APTX: variants seen among roughly 807,000 people sequenced by gnomAD.
APTX encodes the protein aprataxin.
APTX carries 33 observed loss-of-function variants against 42.3 expected under a neutral mutation model. That is an observed-to-expected ratio of 0.78 (90% CI 0.59 to 1.04). APTX has a LOEUF of 1.04. Ranked by LOEUF, APTX falls within the 50% of genes least tolerant of loss-of-function variation. The pLI is 0.00. For synonymous variants in APTX, 130 were observed against 146.7 expected, an observed-to-expected ratio of 0.89 and a Z score of 0.82; for missense variants, 421 against 415.1, an observed-to-expected ratio of 1.01 and a Z score of -0.12.
At chr9:33,000,080 A>C (rs1835899034) in intron 1 of APTX, among the ~76,000 whole-genome samples, 1 of 152,222 alleles carries the variant, frequency 6.6e-6, no homozygotes, top group South Asian at 2.1e-4. Flanking sequence ...GGACTGCCTG[A>C]ATTCAAACAT....
rs1156813922 is a variant in APTX at position 32,974,355 on chromosome 9, A to G, written c.874+103T>C. 7 of 787,562 alleles carry G rather than the reference A, an allele frequency of 8.9e-6. No individual in the cohort carries two copies. In the East Asian group the frequency reaches 1.8e-4, roughly 20 times the overall value. 48.8% of individuals were successfully genotyped at this position (787,562 alleles called of 1,614,324 possible). A position where few individuals can be genotyped will look rare whatever the true frequency, so the allele number is the denominator to read the frequency against. ...CTTTATAGGGAACACAAAGTTGTAC[A>G]TAGGTTTTTGAGGTCAGACTGTTAT... On this transcript the variant is annotated intron_variant, in intron 7 of 7. Coordinates refer to ENST00000379817, the MANE Select transcript of APTX (RefSeq NM_001195248.2).
chr9:32,987,551 A>G lies in APTX; in HGVS notation c.476T>C (p.Ile159Thr). The G allele has an allele frequency of 6.2e-7, 1 of 1,613,726 alleles. No individual in the cohort carries two copies. The highest frequency in any genetic ancestry group is 8.5e-7 in the Non-Finnish European group (1 of 1,180,018). The change falls in exon 4 of 8, where the codon ATC (isoleucine) becomes ACC (threonine). Residue 159 changes from isoleucine to threonine, a missense_variant. Transcript: ENST00000379817. ...CAATCACACTACCCTCACCTTTTTG[A>G]TAGGTGCATCTTTTCCCTTCTTTAG... ...VPLKKGKDAP[I>T]KKESLGHWSQ...
At chr9:33,001,197 A>C in intron 1 of APTX, 1 of 875,160 alleles carries the variant, frequency 1.1e-6, no homozygotes, top group Middle Eastern at 4.6e-4. Flanking sequence ...GGATGCTGCT[A>C]AGGTCCCTCA....
At chr9:32,993,530 T>G (rs1834126613) in intron 1 of APTX, among the ~76,000 whole-genome samples, 1 of 152,186 alleles carries the variant, frequency 6.6e-6, no homozygotes, top group African/African-American at 2.4e-5. Flanking sequence ...TATTTACAAG[T>G]GAATTATCAA....
intron 6 of APTX, 89 bp downstream of exon 6, chr9:32,984,542 T>G: frequency 2.3e-6 from 3 of 1,332,444 alleles, no homozygotes; most frequent in Non-Finnish European, 1.1e-6. Context: ...TGGGTCTCAG[T>G]GCAATATGTG....
chr9:32,992,348 T>C (rs1833844089), intron 1 of APTX, among the ~76,000 whole-genome samples: 1 of 152,142 alleles, frequency 6.6e-6, no homozygotes, highest in Non-Finnish European at 1.5e-5. Flanking sequence ...ATGAATAAGA[T>C]TAGTGCGAGT....
chr9:32,994,100 T>C (rs1834282783), intron 1 of APTX, among the ~76,000 whole-genome samples: 1 of 152,208 alleles, frequency 6.6e-6, no homozygotes, highest in Non-Finnish European at 1.5e-5. Context: ...TCAAGTGATC[T>C]GATAGACCAC....
upstream of APTX, among the ~76,000 whole-genome samples, chr9:33,005,062 T>C (rs1362498033): frequency 2.6e-5 from 4 of 152,214 alleles, no homozygotes; most frequent in East Asian, 7.7e-4. Context: ...TCCTGTCTAT[T>C]TGTATGTATT....
intron 1 of APTX, among the ~76,000 whole-genome samples, chr9:32,995,682 TC>T (rs1354033639): frequency 1.3e-5 from 2 of 151,918 alleles, no homozygotes; most frequent in Non-Finnish European, 2.9e-5. Context: ...GGTCAGGAGA[TC>T]GAGACCATCC....
chr9:33,001,403 C>G (rs977899043), intron 1 of APTX, 164 bp downstream of exon 1: 1 of 1,535,076 alleles, frequency 6.5e-7, no homozygotes, highest in Non-Finnish European at 8.7e-7. Context: ...CTGAAACAGC[C>G]CAAGGTAGTA....
At chr9:33,024,869 G>C (rs1463883209) in intron 1 of APTX, 1 of 88,098 alleles carries the variant, frequency 1.1e-5, no homozygotes, top group Admixed American at 1.1e-4. Context: ...AGAGGGGGGG[G>C]GGGGGGGGCA....
intron 5 of APTX, among the ~76,000 whole-genome samples, chr9:32,985,502 T>C (rs1040110362): frequency 6.6e-6 from 1 of 151,890 alleles, no homozygotes; most frequent in African/African-American, 2.4e-5. Context: ...GCCCAGCTAA[T>C]TTTTTGTATT....
At chr9:33,020,742 C>T (rs1838306705) in intron 1 of APTX, among the ~76,000 whole-genome samples, 2 of 152,232 alleles carry the variant, frequency 1.3e-5, no homozygotes, top group South Asian at 4.1e-4. Context: ...AAAATTCAAA[C>T]TTTTTAGCAT....
At chr9:33,001,370 T>C in intron 1 of APTX, 197 bp downstream of exon 1, 1 of 1,530,240 alleles carries the variant, frequency 6.5e-7, no homozygotes, top group East Asian at 2.5e-5. Context: ...GCAAAGTGGG[T>C]CGAAGACCAA....
chr9:33,021,523 G>A (rs1838382688), intron 1 of APTX, among the ~76,000 whole-genome samples: 1 of 152,062 alleles, frequency 6.6e-6, no homozygotes, highest in Admixed American at 6.6e-5. Context: ...TGGAAATTAA[G>A]TATACATTAA....
intron 1 of APTX, among the ~76,000 whole-genome samples, chr9:32,993,550 A>G (rs1834132755): frequency 6.6e-6 from 1 of 152,114 alleles, no homozygotes; most frequent in South Asian, 2.1e-4. Context: ...AATGCTATTT[A>G]CTCTCTGCAT....
At chr9:32,975,066 T>C (rs914121761) in intron 6 of APTX, among the ~76,000 whole-genome samples, 1 of 152,040 alleles carries the variant, frequency 6.6e-6, no homozygotes, top group Admixed American at 6.5e-5. Context: ...GGGAAGAGTG[T>C]CTCAGAAAGT....
At position 32,999,062 on chromosome 9, in the gene APTX, C is replaced by A. The variant is rs184299018; in HGVS notation, c.-5+2505G>T. Among the ~76,000 whole-genome samples, 3 of 152,274 alleles carry A rather than the reference C, an allele frequency of 2.0e-5. No homozygotes were observed. In the East Asian group the frequency reaches 5.8e-4, roughly 29 times the overall value. On this transcript the variant is annotated intron_variant, in intron 1 of 7. Transcript: ENST00000379817. ...AATTCCTTAAGAGAAAACAATTTAT[C>A]TGTCTTGTTCATCTCTGTATCCCAA...
chr9:33,017,508 T>A lies in APTX; in HGVS notation c.-5+7515A>T, dbSNP rs953712255. ...TTGTAAGGGCACTAATCCCATGACG[T>A]AGTCACTTCCCAAAGGCCCCATCTC... On this transcript the variant is annotated intron_variant, in intron 1 of 6. Coordinates refer to the APTX transcript ENST00000436040. 2.2e-5 allele frequency among the ~76,000 whole-genome samples: 3 copies of A among 133,914 alleles called. No homozygotes were observed. In the East Asian group the frequency reaches 5.8e-4, roughly 26 times the overall value. 87.9% of individuals were successfully genotyped at this position (133,914 alleles called of 152,430 possible). A position where few individuals can be genotyped will look rare whatever the true frequency, so the allele number is the denominator to read the frequency against.
Sources: gnomAD v4.1 joint callset for allele counts (sites outside exome capture counted in the v4.1 genomes callset) on GRCh38, gnomAD v4.1.1 for gene constraint, MANE v1.5 for transcripts, NCBI Gene and HGNC (gene_info 2026-07-23, HGNC 2026-07-21) for gene names.